Variants in ADGRL3 observed in about 807,000 individuals in gnomAD.
The protein encoded by ADGRL3 is calcium-independent alpha-latrotoxin receptor 3.
ADGRL3 carries 62 observed loss-of-function variants against 153.5 expected under a neutral mutation model. That is an observed-to-expected ratio of 0.40 (90% CI 0.33 to 0.50). The LOEUF (loss-of-function observed/expected upper bound fraction) is 0.50. ADGRL3 is among the 20% of genes least tolerant of loss of function. The pLI is 0.47. For synonymous variants in ADGRL3, 710 were observed against 672.5 expected, an observed-to-expected ratio of 1.06 and a Z score of -0.86; for missense variants, 1,641 against 1,859.4, an observed-to-expected ratio of 0.88 and a Z score of 2.16.
At chr4:61,875,704 T>A (rs1347977730) in intron 9 of ADGRL3, among the ~76,000 whole-genome samples, 1 of 152,268 alleles carries the variant, frequency 6.6e-6, no homozygotes, top group Non-Finnish European at 1.5e-5. Flanking sequence ...TGAATTTTTT[T>A]ATCCATTGTC....
intron 5 of ADGRL3, among the ~76,000 whole-genome samples, chr4:61,613,748 C>A (rs2091670734): frequency 6.6e-6 from 1 of 152,146 alleles, no homozygotes; most frequent in Non-Finnish European, 1.5e-5. Flanking sequence ...CAAGTGAGTC[C>A]TGTTTACATG....
chr4:61,491,093 C>T (rs1372589093), intron 2 of ADGRL3, among the ~76,000 whole-genome samples: 2 of 152,038 alleles, frequency 1.3e-5, no homozygotes, highest in Non-Finnish European at 2.9e-5. Flanking sequence ...GGGAATTTTT[C>T]TTCTTGCTGT....
At chr4:61,863,450 G>T (rs2098368709) in intron 9 of ADGRL3, among the ~76,000 whole-genome samples, 1 of 151,578 alleles carries the variant, frequency 6.6e-6, no homozygotes, top group South Asian at 2.1e-4. Context: ...TTTTAGCCGG[G>T]ATGGTCTCGA....
At chr4:61,442,493 G>A (rs1013873239) in intron 2 of ADGRL3, among the ~76,000 whole-genome samples, 1 of 152,176 alleles carries the variant, frequency 6.6e-6, no homozygotes, top group Admixed American at 6.5e-5. Flanking sequence ...AGGGTGAAAA[G>A]CTGATCAGGG....
chr4:61,841,485 AT>A (rs1214970418), intron 9 of ADGRL3, among the ~76,000 whole-genome samples: 1 of 152,156 alleles, frequency 6.6e-6, no homozygotes, highest in Non-Finnish European at 1.5e-5. Flanking sequence ...TTGACCCAAA[AT>A]TTTATGTCAG....
chr4:61,759,455 T>A (rs1248668932), intron 8 of ADGRL3, among the ~76,000 whole-genome samples: 1 of 152,240 alleles, frequency 6.6e-6, no homozygotes, highest in Non-Finnish European at 1.5e-5. Context: ...TTCTTCCAGT[T>A]GATCAGATCG....
chr4:61,855,001 A>T (rs1391145866), intron 9 of ADGRL3, among the ~76,000 whole-genome samples: 1 of 152,198 alleles, frequency 6.6e-6, no homozygotes, highest in Non-Finnish European at 1.5e-5. Flanking sequence ...TAAGTGTAAG[A>T]AAGTATCACA....
chr4:61,758,579 A>G (rs1313358863), intron 8 of ADGRL3, among the ~76,000 whole-genome samples: 1 of 152,100 alleles, frequency 6.6e-6, no homozygotes, highest in Non-Finnish European at 1.5e-5. Flanking sequence ...GTGTCTCTGC[A>G]TAAGAGATGG....
At chr4:61,945,541 G>A (rs1232147080) in intron 15 of ADGRL3, among the ~76,000 whole-genome samples, 1 of 137,012 alleles carries the variant, frequency 7.3e-6, no homozygotes. Context: ...CAGCCTCGTT[G>A]CCACCTTGCA....
intron 24 of ADGRL3, among the ~76,000 whole-genome samples, chr4:62,040,463 A>G (rs2151626601): frequency 6.6e-6 from 1 of 152,230 alleles, no homozygotes; most frequent in Admixed American, 6.6e-5. Context: ...ACTAATAAAT[A>G]CATTTCCCAC....
intron 7 of ADGRL3, 107 bp from the exon 8 acceptor site, chr4:61,732,647 G>T (rs902478447): frequency 1.9e-6 from 1 of 513,266 alleles, no homozygotes; most frequent in Non-Finnish European, 3.2e-6. Flanking sequence ...ATAAGTGATG[G>T]TGGGTATCTC....
chr4:61,432,633 T>C (rs926100269), intron 2 of ADGRL3, among the ~76,000 whole-genome samples: 13 of 83,242 alleles, frequency 1.6e-4, no homozygotes, highest in Admixed American at 2.6e-4. Context: ...TTTCTTTCTT[T>C]CTTTCTTTCT....
rs1400261185 is a variant in ADGRL3, at chr4:61,948,157, A to G, written c.2686A>G (p.Met896Val). The change falls in exon 17 of 27, where the codon ATG becomes GTG. Residue 896 changes from methionine (M) to valine (V), a missense_variant. By Grantham distance (21) the Met-to-Val change is conservative. Transcript: ENST00000683033. Reference protein sequence around the residue: ...CSFWSYSKRTMTGYWSTQGCR... With the variant: ...CSFWSYSKRTVTGYWSTQGCR... ...ATTTTGGAGCTACTCCAAGCGTACAATGACAGGTTATTGGTCAACACAAGG... is the reference window on the plus strand; with the variant it reads ...ATTTTGGAGCTACTCCAAGCGTACAGTGACAGGTTATTGGTCAACACAAGG... The G allele has an allele frequency of 3.7e-6, 6 of 1,613,692 alleles. No individual in the cohort carries two copies. The highest frequency in any genetic ancestry group is 4.5e-5 in the East Asian group (2 of 44,874).
intron 5 of ADGRL3, among the ~76,000 whole-genome samples, chr4:61,590,190 G>A (rs2098963769): frequency 1.3e-5 from 2 of 152,046 alleles, no homozygotes; most frequent in Middle Eastern, 3.4e-3. Context: ...TCATACAGCT[G>A]CCTTGTCTAA....
At chr4:61,689,260 C>T (rs183190560) in intron 6 of ADGRL3, among the ~76,000 whole-genome samples, 10 of 152,246 alleles carry the variant, frequency 6.6e-5, no homozygotes, top group Admixed American at 2.0e-4. Context: ...AAGCCTCTCC[C>T]TCTTCTTAAG....
intron 9 of ADGRL3, among the ~76,000 whole-genome samples, chr4:61,833,843 T>G (rs1369815039): frequency 6.6e-6 from 1 of 152,308 alleles, no homozygotes; most frequent in Non-Finnish European, 1.5e-5. Flanking sequence ...TTCCCAAAGT[T>G]AGTTCAGCCT....
At chr4:61,836,476 T>A (rs891393052) in intron 9 of ADGRL3, among the ~76,000 whole-genome samples, 17 of 152,058 alleles carry the variant, frequency 1.1e-4, no homozygotes, top group Non-Finnish European at 2.2e-4. Context: ...TGTTAAATGG[T>A]TGATATGAAA....
chr4:61,244,973 G>C (rs1384358693), intron 1 of ADGRL3, among the ~76,000 whole-genome samples: 1 of 151,952 alleles, frequency 6.6e-6, no homozygotes, highest in Non-Finnish European at 1.5e-5. Flanking sequence ...ACTGAATGGG[G>C]CACTATCCAC....
At position 61,948,219 on chromosome 4, in the gene ADGRL3, A is replaced by G. The variant is rs370815218; in HGVS notation, c.2748A>G (p.Thr916=). 6.2e-6 allele frequency: 10 copies of G among 1,613,902 alleles called. No homozygotes were observed. The East Asian group carries it at 1.3e-4, about 22-fold the overall frequency. Residue 916 remains threonine, a synonymous_variant, in exon 17 of 27, where the codon ACA becomes ACG. Coordinates refer to ENST00000683033, the MANE Select transcript of ADGRL3 (RefSeq NM_001387552.1). ...TGACAACAAATAAGACACATACTAC[A>G]TGCTCTTGTAACCACCTAACAAATT... is the stretch of plus-strand genomic sequence containing the variant. ...RLLTTNKTHT[T]CSCNHLTNFA... is the part of the protein sequence containing the mutation.
Sources: gnomAD v4.1 joint callset for allele counts (sites outside exome capture counted in the v4.1 genomes callset) on GRCh38, gnomAD v4.1.1 for gene constraint, MANE v1.5 for transcripts, NCBI Gene and HGNC (gene_info 2026-07-23, HGNC 2026-07-21) for gene names.